The following BAZ2B variants were observed in gnomAD, a reference collection of about 807,000 sequenced individuals.
The protein encoded by BAZ2B is bromodomain adjacent to zinc finger domain protein 2B.
A neutral mutation model predicts 246.0 loss-of-function variants in BAZ2B; 91 were observed. The ratio of observed to expected loss-of-function variants is 0.37; its 90% CI spans 0.31 to 0.44. The LOEUF (loss-of-function observed/expected upper bound fraction) is 0.44, where lower values mean the gene tolerates loss of function less well. Ranked by LOEUF, BAZ2B falls within the 20% of genes least tolerant of loss-of-function variation. The pLI, the probability that BAZ2B is intolerant of heterozygous loss-of-function variation, is 1.00. For synonymous variants in BAZ2B, 855 were observed against 860.0 expected (o/e 0.99, Z 0.10); for missense variants, 2,332 against 2,533.7 (o/e 0.92, Z 1.71).
rs867082849 is a variant in BAZ2B at position 159,370,883 on chromosome 2, C to T, written c.4213+2162G>A. ...ATGGCACGATCTCGGCTCACTGCAACCTCTCCTTGCCTCCTGGCTTCAAGC... is the reference window on the plus strand; with the variant it reads ...ATGGCACGATCTCGGCTCACTGCAATCTCTCCTTGCCTCCTGGCTTCAAGC... On this transcript the variant is annotated intron_variant, in intron 27 of 36. Coordinates refer to ENST00000392783, the MANE Select transcript of BAZ2B (RefSeq NM_013450.4). 2.0e-5 allele frequency among the ~76,000 whole-genome samples: 3 copies of T among 151,742 alleles called. No individual in the cohort carries two copies. The South Asian group carries it at 6.3e-4, about 32-fold the overall frequency.
chr2:159,538,693 G>C (rs1193120022), intron 2 of BAZ2B, among the ~76,000 whole-genome samples: 5 of 152,172 alleles, frequency 3.3e-5, no homozygotes, highest in South Asian at 2.1e-4. Flanking sequence ...CATGATCAGA[G>C]ATAAATCAAT....
Position 159,320,168 on chromosome 2 carries a change from T to C in BAZ2B, c.*97A>G, listed in dbSNP as rs2062536160. 6 of 1,073,422 alleles carry C rather than the reference T, an allele frequency of 5.6e-6. No homozygotes were observed. Among genetic ancestry groups the C allele is most frequent in the Non-Finnish European group, 7.4e-6 (6 of 808,542 alleles). 66.5% of individuals were successfully genotyped at this position (1,073,422 alleles called of 1,614,324 possible). ...TATACTTAAGGAAAAAGAAAGTCATTATGTATGTGCCTTGCACGTTTATGT... is the reference window on the plus strand; with the variant it reads ...TATACTTAAGGAAAAAGAAAGTCATCATGTATGTGCCTTGCACGTTTATGT... On this transcript the variant is annotated 3_prime_UTR_variant, in exon 37 of 37. Coordinates refer to ENST00000392783, the MANE Select transcript of BAZ2B (RefSeq NM_013450.4).
the BAZ2B span, among the ~76,000 whole-genome samples, chr2:159,710,243 C>G: frequency 2.0e-5 from 3 of 146,780 alleles, no homozygotes; most frequent in African/African-American, 7.6e-5. Flanking sequence ...GAGTTTCACT[C>G]TGTTGCCCAG....
rs2072801203 is a variant in BAZ2B, at chr2:159,438,377, C to T, written c.1219G>A (p.Asp407Asn). The T allele has an allele frequency of 1.9e-6, 3 of 1,613,970 alleles. No homozygotes were observed. In the African/African-American group the frequency reaches 4.0e-5, roughly 22 times the overall value. Residue 407 changes from aspartate to asparagine, a missense_variant, in exon 8 of 37, where the codon GAT becomes AAT. Coordinates refer to ENST00000392783, the MANE Select transcript of BAZ2B (RefSeq NM_013450.4). Reference sequence around the variant, plus strand: ...TTTTTATTCCCTGCTTTAAGAACATCAGGAGAAGGAACTATGAGTTTCATG... The same window carrying T: ...TTTTTATTCCCTGCTTTAAGAACATTAGGAGAAGGAACTATGAGTTTCATG... ...TYMKLIVPSP[D>N]VLKAGNKNTS...
the BAZ2B span, among the ~76,000 whole-genome samples, chr2:159,633,854 C>T: frequency 4.0e-5 from 6 of 151,442 alleles, no homozygotes; most frequent in Admixed American, 1.3e-4. Flanking sequence ...ATTCTCATGC[C>T]TCAGCCTCCC....
At chr2:159,628,849 C>T in the BAZ2B span, among the ~76,000 whole-genome samples, 1 of 152,102 alleles carries the variant, frequency 6.6e-6, no homozygotes, top group Admixed American at 6.5e-5. Context: ...AGCTTCTGCA[C>T]AGCAAAAGAA....
chr2:159,503,937 G>A lies in BAZ2B; in HGVS notation c.-2-25216C>T, dbSNP rs187363117. ...TCTCTTCAAAAGTTCCCACAAAGTA[G>A]TGAATTGAATAAAATATGCCAAACA... On this transcript the variant is annotated intron_variant, in intron 2 of 36. Transcript: ENST00000392783. Among the ~76,000 whole-genome samples, 368 of 152,244 alleles carry A rather than the reference G, an allele frequency of 2.4e-3. 1 individual carries two copies. Among genetic ancestry groups the A allele is most frequent in the Non-Finnish European group, 4.4e-3 (298 of 68,018 alleles).
chr2:159,579,709 G>C (rs1206595288), intron 1 of BAZ2B, among the ~76,000 whole-genome samples: 2 of 151,660 alleles, frequency 1.3e-5, no homozygotes, highest in African/African-American at 4.8e-5. Context: ...AGCAGCAAAA[G>C]CTTATCCAAC....
At chr2:159,491,495 C>T (rs1189797694) in intron 2 of BAZ2B, among the ~76,000 whole-genome samples, 2 of 151,240 alleles carry the variant, frequency 1.3e-5, no homozygotes, top group African/African-American at 2.4e-5. Context: ...CCGAGGCGGG[C>T]GGATCACGAG....
At chr2:159,644,442 T>C in the BAZ2B span, among the ~76,000 whole-genome samples, 2 of 152,252 alleles carry the variant, frequency 1.3e-5, no homozygotes, top group Non-Finnish European at 2.9e-5. Flanking sequence ...TGATCCTGCA[T>C]GCACCTGTGG....
intron 3 of BAZ2B, chr2:159,463,261 G>T (rs2076630016): frequency 2.4e-6 from 1 of 408,412 alleles, no homozygotes. Flanking sequence ...GGCCATCTTG[G>T]GCTGTTCTCA....
At chr2:159,457,826 G>A (rs923242138) in intron 3 of BAZ2B, among the ~76,000 whole-genome samples, 2 of 151,958 alleles carry the variant, frequency 1.3e-5, no homozygotes, top group Admixed American at 1.3e-4. Context: ...TAAAGGAAAC[G>A]TCCTATACCT....
rs545951665 is a variant in BAZ2B, at chr2:159,321,324, C to T, written c.6354-906G>A. On this transcript the variant is annotated intron_variant, in intron 36 of 36. Coordinates refer to ENST00000392783, the MANE Select transcript of BAZ2B (RefSeq NM_013450.4). ...ATCTCATGAGTGTAAATTAGTACAACCACTATGGAGAACAGTTTGTAGGTT... is the reference window on the plus strand; with the variant it reads ...ATCTCATGAGTGTAAATTAGTACAATCACTATGGAGAACAGTTTGTAGGTT... 3.9e-5 allele frequency among the ~76,000 whole-genome samples: 6 copies of T among 152,198 alleles called. 1 individual carries two copies. The highest frequency in any genetic ancestry group is 1.2e-4 in the African/African-American group (5 of 41,526).
chr2:159,506,790 T>C (rs1256407594), intron 2 of BAZ2B, among the ~76,000 whole-genome samples: 1 of 152,152 alleles, frequency 6.6e-6, no homozygotes, highest in African/African-American at 2.4e-5. Context: ...CACAAACAAA[T>C]AATAGAGAGT....
the BAZ2B span, among the ~76,000 whole-genome samples, chr2:159,689,008 A>G: frequency 6.6e-6 from 1 of 152,066 alleles, no homozygotes; most frequent in Admixed American, 6.6e-5. Flanking sequence ...TTTGATTAGT[A>G]TCTTGTGGGG....
At chr2:159,388,387 T>A (rs892457356) in intron 21 of BAZ2B, among the ~76,000 whole-genome samples, 10 of 152,184 alleles carry the variant, frequency 6.6e-5, no homozygotes, top group African/African-American at 2.4e-4. Flanking sequence ...TATACTTTTA[T>A]GTATTTCAGC....
the BAZ2B span, among the ~76,000 whole-genome samples, chr2:159,650,273 G>T: frequency 8.2e-5 from 12 of 146,878 alleles, no homozygotes; most frequent in African/African-American, 3.0e-4. Flanking sequence ...ATTTTATCTT[G>T]TGAGGTGCTG....
chr2:159,588,232 A>AAAG (rs11443142), intron 1 of BAZ2B, among the ~76,000 whole-genome samples: 4 of 148,760 alleles, frequency 2.7e-5, no homozygotes, highest in Non-Finnish European at 6.0e-5. Context: ...AAAAAAAAAA[A>AAAG]CCCCTGCTTG....
At chr2:159,652,915 A>G in the BAZ2B span, among the ~76,000 whole-genome samples, 69,282 of 150,584 alleles carry the variant, frequency 0.46, 16,658 homozygotes, top group Middle Eastern at 0.64. Flanking sequence ...ACTGTGCCTG[A>G]CCCAAATGTC....
Sources: allele counts gnomAD v4.1 joint callset (sites outside exome capture counted in the v4.1 genomes callset), GRCh38; gene constraint gnomAD v4.1.1; transcripts MANE v1.5; gene names NCBI Gene and HGNC (gene_info 2026-07-23, HGNC 2026-07-21).